The following SOS2 variants were observed in gnomAD, a reference collection of about 807,000 sequenced individuals.
SOS2 encodes son of sevenless homolog 2.
SOS2 carries 65 observed loss-of-function variants against 148.2 expected under a neutral mutation model. The observed-to-expected ratio is 0.44, with a 90% CI of 0.36 to 0.54. The LOEUF (loss-of-function observed/expected upper bound fraction) is 0.54, where lower values mean the gene tolerates loss of function less well. SOS2 is among the 20% of genes least tolerant of loss of function. SOS2 has a pLI of 0.00. For missense variants in SOS2, 1,341 were observed against 1,590.2 expected (o/e 0.84, Z 2.67); for synonymous variants, 539 against 537.1 (o/e 1.00, Z -0.05).
At chr14:50,170,841 G>A (rs1885338316) in intron 8 of SOS2, among the ~76,000 whole-genome samples, 1 of 151,218 alleles carries the variant, frequency 6.6e-6, no homozygotes, top group South Asian at 2.1e-4. Context: ...GGCCAGGCAG[G>A]GTGGCTCACG....
intron 8 of SOS2, among the ~76,000 whole-genome samples, chr14:50,166,395 A>AC (rs1157627607): frequency 1.3e-5 from 2 of 151,982 alleles, no homozygotes; most frequent in Admixed American, 1.3e-4. Context: ...CATCCAGCTA[A>AC]TTTTTGAATT....
At chr14:50,147,236 A>T (rs1175028178) in intron 14 of SOS2, among the ~76,000 whole-genome samples, 1 of 151,806 alleles carries the variant, frequency 6.6e-6, no homozygotes, top group Admixed American at 6.6e-5. Context: ...CCAGTTGGGC[A>T]CTGTAGCTCA....
intron 1 of SOS2, among the ~76,000 whole-genome samples, chr14:50,228,199 A>G (rs945249330): frequency 4.0e-5 from 6 of 151,694 alleles, no homozygotes; most frequent in Admixed American, 2.0e-4. Flanking sequence ...ACACCACCAC[A>G]CCCAGCTAAT....
chr14:50,206,747 G>T (rs535035849), intron 1 of SOS2, among the ~76,000 whole-genome samples: 5 of 140,792 alleles, frequency 3.6e-5, no homozygotes, highest in Non-Finnish European at 6.1e-5. Flanking sequence ...TTTTTAAAAG[G>T]TTTTTAAAAT....
chr14:50,129,841 AATTT>A, intron 21 of SOS2, 116 bp downstream of exon 21: 1 of 613,686 alleles, frequency 1.6e-6, no homozygotes, highest in East Asian at 2.9e-5. Context: ...CAAATAATTA[AATTT>A]ATTTATAACT....
At chr14:50,179,113 C>A (rs138709692) in intron 7 of SOS2, among the ~76,000 whole-genome samples, 1 of 152,174 alleles carries the variant, frequency 6.6e-6, no homozygotes, top group East Asian at 1.9e-4. Flanking sequence ...TAAAAATATC[C>A]ACTGGATTTG....
intron 2 of SOS2, 116 bp from the exon 3 acceptor site, chr14:50,201,200 T>C (rs994041311): frequency 1.1e-6 from 1 of 934,420 alleles, no homozygotes; most frequent in African/African-American, 1.7e-5. Flanking sequence ...AGTGACACAA[T>C]ACATTCTGAT....
At chr14:50,125,815 G>A (rs535754285) in intron 21 of SOS2, among the ~76,000 whole-genome samples, 86 of 152,268 alleles carry the variant, frequency 5.6e-4, no homozygotes, top group South Asian at 1.2e-3. Context: ...ACCTCTGTAG[G>A]AGACTGGCAG....
intron 21 of SOS2, among the ~76,000 whole-genome samples, chr14:50,124,048 A>G (rs1022320021): frequency 6.6e-6 from 1 of 152,204 alleles, no homozygotes; most frequent in Non-Finnish European, 1.5e-5. Flanking sequence ...TGGAGGGGAT[A>G]ATAAGAAGCT....
intron 5 of SOS2, among the ~76,000 whole-genome samples, chr14:50,184,531 G>A (rs1356845295): frequency 6.6e-6 from 1 of 151,952 alleles, no homozygotes; most frequent in Non-Finnish European, 1.5e-5. Context: ...TCATGATAGG[G>A]CCAGTCACCA....
Position 50,201,680 on chromosome 14 carries a change from A to G in SOS2, c.214-596T>C, listed in dbSNP as rs575525051. Among the ~76,000 whole-genome samples the G allele has an allele frequency of 5.9e-5, 9 of 152,356 alleles. No individual in the cohort carries two copies. The East Asian group carries it at 1.5e-3, about 26-fold the overall frequency. On this transcript the variant is annotated intron_variant, in intron 2 of 22. Coordinates refer to ENST00000216373, the MANE Select transcript of SOS2 (RefSeq NM_006939.4). ...AAGGAAAAAACAATACATAGGATAT[A>G]TAAGAAAGATTAAAGCGAACATGAA...
intron 21 of SOS2, among the ~76,000 whole-genome samples, chr14:50,121,741 G>A (rs1388909960): frequency 1.3e-5 from 2 of 152,020 alleles, no homozygotes; most frequent in African/African-American, 4.8e-5. Flanking sequence ...TTACTTCTGC[G>A]GGGGTGTCCT....
Position 50,198,547 on chromosome 14 carries a change from A to G in SOS2, c.510+1144T>C, listed in dbSNP as rs573589295. The stretch of plus-strand genomic sequence containing the variant: ...AGGTTTGGAGATCCAATCCAGGCCA[A>G]TTAAATCTCTGGGGGTGATATGCAG... On this transcript the variant is annotated intron_variant, in intron 4 of 22. Transcript: ENST00000216373. Among the ~76,000 whole-genome samples the G allele has an allele frequency of 5.3e-5, 8 of 152,344 alleles. No homozygotes were observed. In the South Asian group the frequency reaches 1.4e-3, roughly 28 times the overall value.
intron 5 of SOS2, 148 bp downstream of exon 5, chr14:50,188,349 T>C (rs1235050126): frequency 1.7e-6 from 1 of 579,264 alleles, no homozygotes; most frequent in Non-Finnish European, 3.0e-6. Flanking sequence ...GCTGCAGTGG[T>C]GCGAGCTGAG....
chr14:50,153,554 A>G (rs1200733893), intron 12 of SOS2, among the ~76,000 whole-genome samples: 1 of 152,190 alleles, frequency 6.6e-6, no homozygotes, highest in Non-Finnish European at 1.5e-5. Context: ...TTTTCACTTA[A>G]AATGGAAAAC....
intron 1 of SOS2, among the ~76,000 whole-genome samples, chr14:50,208,101 G>C (rs911847155): frequency 6.6e-6 from 1 of 152,008 alleles, no homozygotes; most frequent in African/African-American, 2.4e-5. Flanking sequence ...TTCAAGGCCA[G>C]CCTGGCCAAC....
At chr14:50,133,242 C>CTTTTTTTTTTTTTTTTTTTTTT (rs753590435) in intron 19 of SOS2, among the ~76,000 whole-genome samples, 5 of 78,814 alleles carry the variant, frequency 6.3e-5, no homozygotes, top group Non-Finnish European at 9.5e-5. Flanking sequence ...TTTCTTTTTT[C>CTTTTTTTTTTTTTTTTTTTTTT]TTTTTTCTTT....
chr14:50,157,164 T>C, intron 11 of SOS2, 43 bp from the exon 12 acceptor site: 2 of 1,586,238 alleles, frequency 1.3e-6, no homozygotes, highest in Non-Finnish European at 1.7e-6. Context: ...TCATACATAA[T>C]GAAAATACAA....
chr14:50,188,946 C>T (rs2139735763), intron 4 of SOS2, among the ~76,000 whole-genome samples: 1 of 151,930 alleles, frequency 6.6e-6, no homozygotes, highest in Middle Eastern at 3.4e-3. Context: ...CGCTTGTAAT[C>T]CCAGCTATTT....
Sources: gnomAD v4.1 joint callset for allele counts (sites outside exome capture counted in the v4.1 genomes callset) on GRCh38, gnomAD v4.1.1 for gene constraint, MANE v1.5 for transcripts, NCBI Gene and HGNC (gene_info 2026-07-23, HGNC 2026-07-21) for gene names.